The following GLIS3 variants were observed in gnomAD, a reference collection of about 807,000 sequenced individuals.
GLIS3 encodes zinc finger protein GLIS3.
A neutral mutation model predicts 78.6 loss-of-function variants in GLIS3; 53 were observed. The ratio of observed to expected loss-of-function variants is 0.67; its 90% CI spans 0.54 to 0.85. The LOEUF is 0.85. Among genes scored for constraint, GLIS3 ranks in the 40% least tolerant of loss-of-function variants. The pLI, the probability that GLIS3 is intolerant of heterozygous loss-of-function variation, is 0.00. For synonymous variants in GLIS3, 684 were observed against 509.9 expected (o/e 1.34, Z -4.60); for missense variants, 1,703 against 1,231.1 (o/e 1.38, Z -5.74).
intron 4 of GLIS3, among the ~76,000 whole-genome samples, chr9:3,969,224 C>T (rs1429660420): frequency 6.6e-6 from 1 of 152,198 alleles, no homozygotes; most frequent in Non-Finnish European, 1.5e-5. Flanking sequence ...TTTGTCAGCA[C>T]AAAGTGAAGA....
intron 2 of GLIS3, among the ~76,000 whole-genome samples, chr9:4,268,922 T>C (rs554642101): frequency 1.3e-5 from 2 of 152,322 alleles, no homozygotes; most frequent in Middle Eastern, 3.4e-3. Context: ...TATCTACACA[T>C]TTCCTCACAG....
Position 4,118,076 on chromosome 9 carries a change from G to A in GLIS3, c.1402C>T (p.Leu468Phe), listed in dbSNP as rs894844503. 1.7e-5 allele frequency: 27 copies of A among 1,570,354 alleles called. No homozygotes were observed. Among genetic ancestry groups the A allele is most frequent in the African/African-American group, 1.1e-4 (8 of 74,050 alleles). ...PPPPYHAHAHLHHPELGPHAQ... is the reference protein window; with the variant it reads ...PPPPYHAHAHFHHPELGPHAQ... ...TGGGGCCCGAGCTCCGGGTGGTGAA[G>A]GTGCGCATGGGCATGGTAAGGGGGT... is the stretch of plus-strand genomic sequence containing the variant. Residue 468 changes from leucine (L) to phenylalanine (F), a missense_variant, in exon 4 of 11, where the codon CTT becomes TTT. Transcript: ENST00000381971. The surrounding 1 kb of genome is among the most constrained non-coding windows in gnomAD (Gnocchi z 4.7).
intron 4 of GLIS3, among the ~76,000 whole-genome samples, chr9:4,075,834 A>G (rs1828002987): frequency 6.6e-6 from 1 of 152,204 alleles, no homozygotes; most frequent in Non-Finnish European, 1.5e-5. Context: ...CATTATACTG[A>G]GGAAAAGAAG....
At chr9:4,103,954 T>C (rs1429251497) in intron 4 of GLIS3, among the ~76,000 whole-genome samples, 4 of 152,098 alleles carry the variant, frequency 2.6e-5, no homozygotes, top group African/African-American at 7.2e-5. Flanking sequence ...ACTAAGGACA[T>C]ACACAGTGTT....
At chr9:4,270,888 GGTGTGT>G (rs148679668) in intron 2 of GLIS3, among the ~76,000 whole-genome samples, 39 of 147,018 alleles carry the variant, frequency 2.7e-4, no homozygotes, top group South Asian at 7.0e-4. Context: ...CAATCTGTGT[GGTGTGT>G]GTGTGTGTGT....
chr9:4,286,046 G>C lies in GLIS3; in HGVS notation c.380C>G (p.Pro127Arg), dbSNP rs182084153. ...CAGAAAGACAATCCTACCTTTCCCA[G>C]GATTTGGAGGAAAAGGGCTTCCAAA... ...QEFGSPFPPN[P>R]GKGALGFGPQ... The change falls in exon 2 of 11, where the codon CCT becomes CGT. Residue 127 changes from proline to arginine, a missense_variant. By Grantham distance (103) the Pro-to-Arg change is moderately radical (BLOSUM62 -2). Coordinates refer to ENST00000381971, the MANE Select transcript of GLIS3 (RefSeq NM_001042413.2). 4.3e-6 allele frequency: 7 copies of C among 1,613,986 alleles called. No homozygotes were observed. The highest frequency in any genetic ancestry group is 3.3e-5 in the Admixed American group (2 of 59,998).
Position 3,982,409 on chromosome 9 carries a change from G to T in GLIS3, c.1711-45220C>A, listed in dbSNP as rs118157577. On this transcript the variant is annotated intron_variant, in intron 4 of 10. Coordinates refer to ENST00000381971, the MANE Select transcript of GLIS3 (RefSeq NM_001042413.2). Reference sequence around the variant, plus strand: ...ACTTGCTCTCACCAGGTTGTGCACAGCTCATTACAACTCTAGTCATCTGGA... The same window carrying T: ...ACTTGCTCTCACCAGGTTGTGCACATCTCATTACAACTCTAGTCATCTGGA... Among the ~76,000 whole-genome samples the T allele has an allele frequency of 4.3e-3, 651 of 152,222 alleles. 1 individual carries two copies. Among genetic ancestry groups the T allele is most frequent in the Non-Finnish European group, 7.2e-3 (488 of 68,006 alleles).
rs370729195 is a variant in GLIS3 at position 3,829,532 on chromosome 9, G to C, written c.2474-40C>G. The C allele has an allele frequency of 3.1e-6, 5 of 1,609,302 alleles. No homozygotes were observed. In the African/African-American group the frequency reaches 6.7e-5, roughly 21 times the overall value. On this transcript the variant is annotated intron_variant, in intron 9 of 10. Transcript: ENST00000381971. ...TGGCATTGAGCACAAGTTCCTTTGG[G>C]CACAAGTTCCACAGATCATTCCAAC... is the stretch of plus-strand genomic sequence containing the variant.
the GLIS3 span, among the ~76,000 whole-genome samples, chr9:4,388,291 G>A: frequency 6.6e-6 from 1 of 152,128 alleles, no homozygotes; most frequent in Non-Finnish European, 1.5e-5. Flanking sequence ...GTCTTAATCT[G>A]TGAACTCGGG....
At chr9:4,397,705 G>A in the GLIS3 span, among the ~76,000 whole-genome samples, 870 of 51,264 alleles carry the variant, frequency 0.017, 13 homozygotes, top group African/African-American at 0.075. Flanking sequence ...AGGGAGGGAG[G>A]AAGGCAGGGA....
intron 4 of GLIS3, among the ~76,000 whole-genome samples, chr9:3,948,862 A>C (rs1183790317): frequency 6.6e-6 from 1 of 152,218 alleles, no homozygotes; most frequent in Non-Finnish European, 1.5e-5. Context: ...TTTTGGCTGG[A>C]AAGTATCTAG....
At chr9:3,947,304 G>C (rs1051655387) in intron 4 of GLIS3, among the ~76,000 whole-genome samples, 1 of 152,174 alleles carries the variant, frequency 6.6e-6, no homozygotes, top group African/African-American at 2.4e-5. Flanking sequence ...TATTTACTAT[G>C]GTGTTTCCCA....
chr9:4,288,082 A>T (rs1828150811), intron 1 of GLIS3, among the ~76,000 whole-genome samples: 1 of 152,212 alleles, frequency 6.6e-6, no homozygotes, highest in African/African-American at 2.4e-5. Context: ...GTGACCAGAT[A>T]ACCTCAGTTC....
At chr9:3,893,989 G>A (rs1207121457) in intron 7 of GLIS3, among the ~76,000 whole-genome samples, 2 of 152,138 alleles carry the variant, frequency 1.3e-5, no homozygotes, top group East Asian at 3.9e-4. Context: ...AATCTAACTC[G>A]GTGGACCATC....
At chr9:4,084,288 CACACACA>C (rs200455892) in intron 4 of GLIS3, among the ~76,000 whole-genome samples, 4,856 of 135,340 alleles carry the variant, frequency 0.036, 95 homozygotes, top group Middle Eastern at 0.053. Context: ...CACACACACA[CACACACA>C]AATTCCTAGC....
At chr9:4,317,809 T>C (rs879820606) in intron 2 of GLIS3, among the ~76,000 whole-genome samples, 3 of 152,148 alleles carry the variant, frequency 2.0e-5, no homozygotes, top group South Asian at 4.1e-4. Context: ...ATTCAAACCA[T>C]TGAGAGTGAA....
the GLIS3 span, among the ~76,000 whole-genome samples, chr9:4,467,080 G>C: frequency 6.6e-6 from 1 of 152,226 alleles, no homozygotes; most frequent in South Asian, 2.1e-4. Flanking sequence ...AGCGAGGCTG[G>C]GGGAGGGGCA....
intron 2 of GLIS3, among the ~76,000 whole-genome samples, chr9:4,165,905 A>C (rs1835851124): frequency 6.6e-6 from 1 of 152,322 alleles, no homozygotes; most frequent in East Asian, 1.9e-4. Flanking sequence ...GGCAGGAAAA[A>C]AGGAATCTGC....
intron 8 of GLIS3, among the ~76,000 whole-genome samples, chr9:3,870,523 A>C (rs1395106389): frequency 6.6e-6 from 1 of 152,230 alleles, no homozygotes; most frequent in East Asian, 1.9e-4. Flanking sequence ...CATGTGGCTG[A>C]GGAAGCCTCA....
Sources: allele counts gnomAD v4.1 joint callset (sites outside exome capture counted in the v4.1 genomes callset), GRCh38; gene constraint gnomAD v4.1.1; non-coding constraint Gnocchi (gnomAD v3.1); transcripts MANE v1.5; gene names NCBI Gene and HGNC (gene_info 2026-07-23, HGNC 2026-07-21).